PACRG: variants seen among roughly 807,000 people sequenced by gnomAD.
PACRG encodes the protein parkin coregulated.
Under a neutral mutation model 29.7 loss-of-function variants are expected in PACRG, and 29 were observed. That is an observed-to-expected ratio of 0.98 (90% confidence interval 0.73 to 1.33). PACRG has a LOEUF of 1.33. Among genes scored for constraint, PACRG ranks in the 40% most tolerant of loss-of-function variants. The pLI, the probability that PACRG is intolerant of heterozygous loss-of-function variation, is 0.00. For missense variants in PACRG, 279 were observed against 316.2 expected, an observed-to-expected ratio of 0.88 and a Z score of 0.89; for synonymous variants, 116 against 118.7, an observed-to-expected ratio of 0.98 and a Z score of 0.15.
At chr6:162,831,043 T>C (rs370700839) in intron 2 of PACRG, among the ~76,000 whole-genome samples, 1 of 152,220 alleles carries the variant, frequency 6.6e-6, no homozygotes, top group African/African-American at 2.4e-5. Flanking sequence ...CCACCTCTTC[T>C]GTGAGAATCC....
intron 4 of PACRG, among the ~76,000 whole-genome samples, chr6:163,227,087 T>G (rs1781835939): frequency 1.3e-5 from 2 of 152,126 alleles, no homozygotes; most frequent in Admixed American, 6.5e-5. Flanking sequence ...ATTAGGCCAT[T>G]CTTGCATTGC....
At chr6:162,876,189 T>C (rs1409764319) in intron 2 of PACRG, among the ~76,000 whole-genome samples, 2 of 152,116 alleles carry the variant, frequency 1.3e-5, no homozygotes, top group Non-Finnish European at 2.9e-5. Context: ...CAATGACAAG[T>C]GGAACCTCAT....
At chr6:163,105,409 G>A (rs1287654755) in intron 4 of PACRG, among the ~76,000 whole-genome samples, 1 of 151,970 alleles carries the variant, frequency 6.6e-6, no homozygotes, top group Non-Finnish European at 1.5e-5. Flanking sequence ...AACATCTTTG[G>A]CATGTACAAC....
At chr6:162,851,740 T>G in intron 2 of PACRG, among the ~76,000 whole-genome samples, 1 of 152,100 alleles carries the variant, frequency 6.6e-6, no homozygotes, top group East Asian at 1.9e-4. Flanking sequence ...TGAAAATTAT[T>G]ATTGATTATT....
At chr6:162,981,080 C>T (rs1369502745) in intron 2 of PACRG, among the ~76,000 whole-genome samples, 1 of 151,972 alleles carries the variant, frequency 6.6e-6, no homozygotes, top group Non-Finnish European at 1.5e-5. Context: ...TTATATCATT[C>T]TCATGCCTTT....
chr6:162,824,273 G>T (rs919333562), intron 2 of PACRG, among the ~76,000 whole-genome samples: 2 of 151,858 alleles, frequency 1.3e-5, no homozygotes, highest in Non-Finnish European at 2.9e-5. Flanking sequence ...AGTCCCTCCC[G>T]CCCCCACCAT....
intron 2 of PACRG, among the ~76,000 whole-genome samples, chr6:162,983,943 T>C (rs1802653540): frequency 6.6e-6 from 1 of 152,064 alleles, no homozygotes; most frequent in South Asian, 2.1e-4. Flanking sequence ...GGAATACCAA[T>C]TATTCTTAGG....
intron 4 of PACRG, among the ~76,000 whole-genome samples, chr6:163,312,339 C>T (rs746137843): frequency 1.7e-4 from 26 of 152,214 alleles, no homozygotes; most frequent in Non-Finnish European, 2.5e-4. Context: ...CCCTGTCACG[C>T]AGGGTCCTCC....
intron 4 of PACRG, among the ~76,000 whole-genome samples, chr6:163,131,698 C>T (rs552749371): frequency 5.3e-5 from 8 of 152,070 alleles, no homozygotes; most frequent in Non-Finnish European, 1.0e-4. Flanking sequence ...TGAATCGGAG[C>T]GATCCTACCT....
Position 162,848,550 on chromosome 6 carries a change from C to A in PACRG, c.291+34269C>A, listed in dbSNP as rs536918485. On this transcript the variant is annotated intron_variant, in intron 2 of 4. Coordinates refer to ENST00000366888, the MANE Select transcript of PACRG (RefSeq NM_001080379.2). Reference sequence around the variant, plus strand: ...TATCAAGTAAAGCTTTATCAAACTACATAGAATTCTTTCCAGTTTTGAAAT... The same window carrying A: ...TATCAAGTAAAGCTTTATCAAACTAAATAGAATTCTTTCCAGTTTTGAAAT... Among the ~76,000 whole-genome samples, 11 of 152,362 alleles carry A rather than the reference C, an allele frequency of 7.2e-5. No individual in the cohort carries two copies. In the East Asian group the frequency reaches 2.1e-3, roughly 29 times the overall value.
At chr6:163,041,685 A>C (rs1808739896) in intron 2 of PACRG, among the ~76,000 whole-genome samples, 1 of 152,202 alleles carries the variant, frequency 6.6e-6, no homozygotes, top group Admixed American at 6.5e-5. Context: ...GACCATGTTC[A>C]TTGTGCAATG....
At chr6:163,045,698 C>A (rs191402246) in intron 2 of PACRG, among the ~76,000 whole-genome samples, 1 of 147,164 alleles carries the variant, frequency 6.8e-6, no homozygotes, top group East Asian at 2.1e-4. Flanking sequence ...TCTCTGGTCA[C>A]TGCAACCTCC....
intron 2 of PACRG, among the ~76,000 whole-genome samples, chr6:162,855,121 T>C (rs1791270872): frequency 6.6e-6 from 1 of 152,234 alleles, no homozygotes; most frequent in Non-Finnish European, 1.5e-5. Context: ...TAACTAGCTG[T>C]GTGATCTTGA....
intron 2 of PACRG, among the ~76,000 whole-genome samples, chr6:162,910,540 C>T (rs6935856): frequency 0.5 from 75,915 of 152,004 alleles, 22,752 homozygotes; most frequent in African/African-American, 0.85. Context: ...TAAATGCCAA[C>T]ATTTTCATTT....
chr6:162,916,335 A>G (rs1193635502), intron 2 of PACRG, among the ~76,000 whole-genome samples: 1 of 152,144 alleles, frequency 6.6e-6, no homozygotes, highest in Non-Finnish European at 1.5e-5. Context: ...ATTGGCTTTC[A>G]ACAGTTGGAC....
intron 4 of PACRG, among the ~76,000 whole-genome samples, chr6:163,131,037 G>A (rs556072488): frequency 1.3e-5 from 2 of 152,322 alleles, no homozygotes; most frequent in South Asian, 4.1e-4. Flanking sequence ...GCCGGGCGCA[G>A]TGGCTCAAGC....
At chr6:162,979,392 C>T (rs544025856) in intron 2 of PACRG, among the ~76,000 whole-genome samples, 5 of 152,078 alleles carry the variant, frequency 3.3e-5, no homozygotes, top group East Asian at 1.9e-4. Context: ...TCTTGCACTG[C>T]GTTGAGTTCA....
At chr6:163,216,502 G>T (rs2128157274) in intron 4 of PACRG, among the ~76,000 whole-genome samples, 1 of 152,318 alleles carries the variant, frequency 6.6e-6, no homozygotes, top group East Asian at 1.9e-4. Flanking sequence ...ACAAATGCTT[G>T]AAAACTATAA....
At chr6:163,001,982 C>T (rs928764409) in intron 2 of PACRG, among the ~76,000 whole-genome samples, 2 of 152,138 alleles carry the variant, frequency 1.3e-5, no homozygotes, top group Non-Finnish European at 2.9e-5. Context: ...GTTAGGGAAC[C>T]TGCTTTCTTC....
Sources: gnomAD v4.1 joint callset for allele counts (sites outside exome capture counted in the v4.1 genomes callset) on GRCh38, gnomAD v4.1.1 for gene constraint, MANE v1.5 for transcripts, NCBI Gene and HGNC (gene_info 2026-07-23, HGNC 2026-07-21) for gene names.